Variants in KLHL5 observed in about 807,000 individuals in gnomAD.
KLHL5 encodes the protein kelch like family member 5.
In KLHL5, 48 loss-of-function variants were observed where a neutral mutation model predicts 77.7. The observed-to-expected ratio is 0.62, with a 90% confidence interval of 0.49 to 0.79. The LOEUF (loss-of-function observed/expected upper bound fraction) is 0.79. KLHL5 is among the 30% of genes least tolerant of loss of function. The pLI is 0.00. For missense variants in KLHL5, 723 were observed against 859.7 expected (o/e 0.84, Z 1.99); for synonymous variants, 260 against 297.0 (o/e 0.88, Z 1.28).
chr4:39,048,624 T>C (rs1716382773), intron 1 of KLHL5, among the ~76,000 whole-genome samples: 1 of 149,804 alleles, frequency 6.7e-6, no homozygotes, highest in South Asian at 2.1e-4. Context: ...AAGGATGTGG[T>C]GATTTTACAT....
intron 1 of KLHL5, among the ~76,000 whole-genome samples, chr4:39,073,172 C>A (rs1718652463): frequency 6.6e-6 from 1 of 152,184 alleles, no homozygotes; most frequent in Non-Finnish European, 1.5e-5. Context: ...AGGCCTTGAA[C>A]ACTGCGACTG....
At chr4:39,141,985 C>CAAACCAAAG in the KLHL5 span, among the ~76,000 whole-genome samples, 1 of 151,994 alleles carries the variant, frequency 6.6e-6, no homozygotes, top group Non-Finnish European at 1.5e-5. Context: ...CCAAAGTACC[C>CAAACCAAAG]TATAAACAAT....
At chr4:39,097,965 T>A (rs940581437) in intron 6 of KLHL5, among the ~76,000 whole-genome samples, 6 of 151,742 alleles carry the variant, frequency 4.0e-5, no homozygotes, top group East Asian at 2.0e-4. Flanking sequence ...ACCCCATCTC[T>A]ATCAAAAATA....
chr4:39,112,353 C>T (rs1251711803), intron 8 of KLHL5, among the ~76,000 whole-genome samples: 1 of 152,066 alleles, frequency 6.6e-6, no homozygotes, highest in Admixed American at 6.6e-5. Flanking sequence ...ACTTTTTATG[C>T]CATTGTTTCA....
chr4:39,112,736 T>C (rs943720328), intron 8 of KLHL5: 1 of 368,364 alleles, frequency 2.7e-6, no homozygotes, highest in Non-Finnish European at 5.0e-6. Context: ...TTTCCATGCA[T>C]ATTACAACCA....
intron 9 of KLHL5, among the ~76,000 whole-genome samples, chr4:39,114,398 C>A (rs756332136): frequency 6.6e-6 from 1 of 152,224 alleles, no homozygotes; most frequent in Non-Finnish European, 1.5e-5. Flanking sequence ...ACTAATCCAT[C>A]TTATCAACCT....
intron 10 of KLHL5, among the ~76,000 whole-genome samples, chr4:39,118,036 G>A (rs1722964957): frequency 1.3e-5 from 2 of 150,936 alleles, no homozygotes; most frequent in Non-Finnish European, 3.0e-5. Flanking sequence ...ACTCTAGCCT[G>A]GGTGACAGAG....
chr4:39,057,803 A>G (rs1318917123), upstream of KLHL5, among the ~76,000 whole-genome samples: 2 of 152,186 alleles, frequency 1.3e-5, no homozygotes, highest in Non-Finnish European at 2.9e-5. Context: ...AGCCATAAAT[A>G]CTGTTATCTA....
At chr4:39,115,083 G>A in intron 9 of KLHL5, 76 bp from the exon 10 acceptor site, 1 of 1,302,126 alleles carries the variant, frequency 7.7e-7, no homozygotes, top group Non-Finnish European at 1.1e-6. Context: ...TCAGAAGATA[G>A]ACTTGAAGAA....
At chr4:39,137,524 T>C in the KLHL5 span, among the ~76,000 whole-genome samples, 1 of 152,182 alleles carries the variant, frequency 6.6e-6, no homozygotes, top group East Asian at 1.9e-4. Flanking sequence ...CTTGGGAGGC[T>C]GAGGTGGGAA....
chr4:39,114,040 G>A (rs781569520), intron 9 of KLHL5, among the ~76,000 whole-genome samples: 18 of 152,256 alleles, frequency 1.2e-4, no homozygotes, highest in Non-Finnish European at 1.9e-4. Flanking sequence ...ATGTATTTAA[G>A]TTGTAAGTGA....
At chr4:39,049,713 A>AT (rs1553885699) in intron 1 of KLHL5, among the ~76,000 whole-genome samples, 225 of 18,174 alleles carry the variant, frequency 0.012, 1 homozygote, top group Admixed American at 0.11. Context: ...AAATAAATAA[A>AT]AAATAAATAA....
At chr4:39,069,694 C>T (rs1008826204) in intron 1 of KLHL5, among the ~76,000 whole-genome samples, 16 of 151,734 alleles carry the variant, frequency 1.1e-4, no homozygotes, top group Non-Finnish European at 2.2e-4. Flanking sequence ...ATTTTCTATA[C>T]GTGTATAATG....
chr4:39,120,859 G>T (rs928603831), intron 10 of KLHL5, 151 bp from the exon 11 acceptor site: 13 of 593,952 alleles, frequency 2.2e-5, no homozygotes, highest in African/African-American at 1.9e-4. Context: ...CTTGGGAAGG[G>T]GACCAGGCCA....
chr4:39,090,607 C>A (rs373191063), intron 5 of KLHL5, among the ~76,000 whole-genome samples: 6 of 151,814 alleles, frequency 4.0e-5, no homozygotes, highest in African/African-American at 1.4e-4. Context: ...ATGCCACCAC[C>A]CCCAACTAAT....
intron 5 of KLHL5, among the ~76,000 whole-genome samples, chr4:39,087,505 T>C (rs1407521008): frequency 1.3e-5 from 2 of 152,204 alleles, no homozygotes. Context: ...CAAGTAGAGA[T>C]AACATCTTCC....
In KLHL5 at chr4:39,075,973, A is replaced by G. The variant is rs761353305; in HGVS notation, c.392A>G (p.Asn131Ser). The change falls in exon 2 of 11, where the codon AAT becomes AGT. Residue 131 changes from asparagine to serine, a missense_variant. Physicochemically the swap from Asn to Ser is conservative, Grantham distance 46. Transcript: ENST00000504108. ...TTTTTTTTTCTTTTCAGGACTTCCA[A>G]TAGTAGTCAGACATTATCATCCTGT... The part of the protein sequence containing the change: ...ESDSSSCRTS[N>S]SSQTLSSCHT... 8.1e-6 allele frequency: 13 copies of G among 1,607,546 alleles called. No individual in the cohort carries two copies. Among genetic ancestry groups the G allele is most frequent in the South Asian group, 1.1e-5 (1 of 88,866 alleles).
intron 1 of KLHL5, among the ~76,000 whole-genome samples, chr4:39,045,382 T>C (rs1270078401): frequency 2.0e-5 from 3 of 151,450 alleles, no homozygotes; most frequent in Non-Finnish European, 3.0e-5. Flanking sequence ...TTGTGGAAAG[T>C]TGTGGACGCG....
chr4:39,069,535 C>CATATATATATATATATAT (rs60163692), intron 1 of KLHL5, among the ~76,000 whole-genome samples: 4 of 136,364 alleles, frequency 2.9e-5, no homozygotes, highest in African/African-American at 8.5e-5. Flanking sequence ...ACTTTTTTAC[C>CATATATATATATATATAT]ATATATATAT....
Sources: gnomAD v4.1 joint callset for allele counts (sites outside exome capture counted in the v4.1 genomes callset) on GRCh38, gnomAD v4.1.1 for gene constraint, MANE v1.5 for transcripts, NCBI Gene and HGNC (gene_info 2026-07-23, HGNC 2026-07-21) for gene names.